Variants in KLHL28 observed in about 807,000 individuals in gnomAD.
KLHL28 encodes kelch like family member 28, also known as kelch-like protein 28.
KLHL28 carries 22 observed loss-of-function variants against 48.3 expected under a neutral mutation model. The ratio of observed to expected loss-of-function variants is 0.46; its 90% confidence interval spans 0.33 to 0.65. KLHL28 has a LOEUF of 0.65. Among genes scored for constraint, KLHL28 ranks in the 30% least tolerant of loss-of-function variants. The pLI is 0.03. For missense variants in KLHL28, 527 were observed against 704.3 expected (o/e 0.75, Z 2.85); for synonymous variants, 243 against 242.4 (o/e 1.00, Z -0.02).
At chr14:44,931,220 T>C (rs771322360) in intron 4 of KLHL28, 113 bp downstream of exon 4, 3 of 600,636 alleles carry the variant, frequency 5.0e-6, no homozygotes, top group Non-Finnish European at 8.1e-6. Context: ...TTTTTTTTTT[T>C]TTTTCTGGAC....
chr14:44,942,989 T>C (rs1884165587), intron 2 of KLHL28, among the ~76,000 whole-genome samples: 1 of 152,164 alleles, frequency 6.6e-6, no homozygotes. Context: ...TCAGGTTGGT[T>C]TTAATTTTTC....
chr14:44,946,235 T>C (rs539230118), intron 1 of KLHL28, among the ~76,000 whole-genome samples: 25 of 152,346 alleles, frequency 1.6e-4, no homozygotes, highest in African/African-American at 5.5e-4. Flanking sequence ...TTTTTCATTT[T>C]GTTTCCCCTG....
At chr14:44,932,377 G>C (rs1282940482) in intron 3 of KLHL28, among the ~76,000 whole-genome samples, 2 of 152,092 alleles carry the variant, frequency 1.3e-5, no homozygotes, top group African/African-American at 2.4e-5. Context: ...GGTGATTTAG[G>C]AGTACTCAGG....
intron 1 of KLHL28, among the ~76,000 whole-genome samples, chr14:44,956,044 A>G (rs1884782311): frequency 6.6e-6 from 1 of 152,252 alleles, no homozygotes; most frequent in South Asian, 2.1e-4. Context: ...TTTGAAACCT[A>G]GTAAACAAAG....
At chr14:44,929,368 T>C (rs957290566) in intron 4 of KLHL28, among the ~76,000 whole-genome samples, 177 bp from the exon 5 acceptor site, 5 of 152,204 alleles carry the variant, frequency 3.3e-5, no homozygotes, top group African/African-American at 1.2e-4. Context: ...CTTTCCATGC[T>C]TTCAGTTACC....
At chr14:44,961,222 C>A (rs974467866) in intron 1 of KLHL28, 4 of 255,044 alleles carry the variant, frequency 1.6e-5, no homozygotes, top group Non-Finnish European at 3.0e-5. Flanking sequence ...GTGAAATTGT[C>A]TTCGCAATCT....
intron 2 of KLHL28, among the ~76,000 whole-genome samples, chr14:44,935,493 A>T (rs1444851490): frequency 6.6e-6 from 1 of 152,184 alleles, no homozygotes; most frequent in African/African-American, 2.4e-5. Context: ...TTATGCTCAT[A>T]CACTATATAA....
chr14:44,935,905 T>TATATATATATATATATA (rs1233257500), intron 2 of KLHL28, among the ~76,000 whole-genome samples: 19 of 123,650 alleles, frequency 1.5e-4, no homozygotes, highest in Middle Eastern at 4.0e-3. Context: ...TATATATATC[T>TATATATATATATATATA]TTACCCTCCC....
intron 2 of KLHL28, among the ~76,000 whole-genome samples, chr14:44,936,024 T>C (rs1454435603): frequency 1.3e-5 from 2 of 151,192 alleles, no homozygotes; most frequent in Admixed American, 1.3e-4. Context: ...ACTCAATAGT[T>C]ACAGAATTCC....
At chr14:44,942,767 T>C (rs915767944) in intron 2 of KLHL28, among the ~76,000 whole-genome samples, 3 of 152,218 alleles carry the variant, frequency 2.0e-5, no homozygotes, top group Non-Finnish European at 4.4e-5. Context: ...CATGAAGTTC[T>C]CTACAATTCC....
chr14:44,947,192 A>G (rs1259745971), intron 1 of KLHL28, among the ~76,000 whole-genome samples: 1 of 152,232 alleles, frequency 6.6e-6, no homozygotes, highest in African/African-American at 2.4e-5. Flanking sequence ...GACGTGACAC[A>G]GACAGAAGAG....
intron 4 of KLHL28, 136 bp from the exon 5 acceptor site, chr14:44,929,327 T>C (rs779531961): frequency 4.1e-5 from 32 of 773,746 alleles, no homozygotes; most frequent in Non-Finnish European, 5.8e-5. Context: ...ACAGGCAATA[T>C]ACAGTAGTCC....
intron 2 of KLHL28, among the ~76,000 whole-genome samples, chr14:44,939,751 A>G (rs1404567485): frequency 2.1e-5 from 3 of 146,136 alleles, no homozygotes; most frequent in Non-Finnish European, 4.4e-5. Context: ...AAAAAGTTCC[A>G]GAATTTCCCT....
At chr14:44,938,193 A>C (rs1883906962) in intron 2 of KLHL28, among the ~76,000 whole-genome samples, 1 of 152,200 alleles carries the variant, frequency 6.6e-6, no homozygotes, top group Non-Finnish European at 1.5e-5. Flanking sequence ...AAGGCATGAT[A>C]CATCCTGAGG....
intron 1 of KLHL28, among the ~76,000 whole-genome samples, chr14:44,958,951 A>G (rs918526974): frequency 7.9e-5 from 12 of 152,020 alleles, no homozygotes; most frequent in Admixed American, 2.6e-4. Flanking sequence ...ATCCTGTATA[A>G]AATAAGCTCA....
chr14:44,926,788 G>T lies in KLHL28; in HGVS notation c.*2240C>A, dbSNP rs918184754. On this transcript the variant is annotated 3_prime_UTR_variant, in exon 5 of 5. Transcript: ENST00000396128. ...CTCTCCAAGTGCTGGGATTACAGGC[G>T]TGAGCCACTGCGCCCGTCCTAAAAT... 1 of 152,226 alleles carries T rather than the reference G, an allele frequency of 6.6e-6. No homozygotes were observed. Among genetic ancestry groups the T allele is most frequent in the African/African-American group, 2.4e-5 (1 of 41,440 alleles). 9.4% of individuals were successfully genotyped at this position (152,226 alleles called of 1,614,324 possible). A position where few individuals can be genotyped will look rare whatever the true frequency, so the allele number is the denominator to read the frequency against.
At chr14:44,956,278 A>G (rs1417376116) in intron 1 of KLHL28, among the ~76,000 whole-genome samples, 1 of 152,164 alleles carries the variant, frequency 6.6e-6, no homozygotes, top group Non-Finnish European at 1.5e-5. Context: ...TCTTTTTAAA[A>G]GTATCCCTGT....
At position 44,959,273 on chromosome 14, in the gene KLHL28, C is replaced by G. The variant is rs539659790; in HGVS notation, c.-1+2573G>C. On this transcript the variant is annotated intron_variant, in intron 1 of 4. Coordinates refer to ENST00000396128, the MANE Select transcript of KLHL28 (RefSeq NM_017658.5). ...AAACACCCATAAAATGTTCCATAGT[C>G]CAAATGTAGAAGATGTAACCTCAAA... is the stretch of plus-strand genomic sequence containing the variant. The G allele has an allele frequency of 9.9e-5, 15 of 152,064 alleles. No individual in the cohort carries two copies. The East Asian group carries it at 2.9e-3, about 29-fold the overall frequency. The allele number at this position is 152,064 out of a possible 1,614,324, so 9.4% of individuals were successfully genotyped here. A position where few individuals can be genotyped will look rare whatever the true frequency, so the allele number is the denominator to read the frequency against.
intron 1 of KLHL28, among the ~76,000 whole-genome samples, chr14:44,956,169 G>A (rs1402768847): frequency 3.3e-5 from 5 of 152,092 alleles, no homozygotes; most frequent in East Asian, 1.9e-4. Context: ...CTACCTTGCC[G>A]AAACTAGTCT....
Sources: gnomAD v4.1 joint callset for allele counts (sites outside exome capture counted in the v4.1 genomes callset) on GRCh38, gnomAD v4.1.1 for gene constraint, MANE v1.5 for transcripts, NCBI Gene and HGNC (gene_info 2026-07-23, HGNC 2026-07-21) for gene names.